The following TENM2 variants were observed in gnomAD, a reference collection of about 807,000 sequenced individuals.
The protein encoded by TENM2 is teneurin transmembrane protein 2.
In TENM2, 52 loss-of-function variants were observed where a neutral mutation model predicts 245.2. The observed-to-expected ratio is 0.21, with a 90% confidence interval of 0.17 to 0.27. TENM2 has a LOEUF of 0.27. Ranked by LOEUF, TENM2 falls within the 10% of genes least tolerant of loss-of-function variation. The pLI is 1.00. For missense variants in TENM2, 3,046 were observed against 3,666.8 expected (o/e 0.83, Z 4.37); for synonymous variants, 1,363 against 1,438.9 (o/e 0.95, Z 1.19).
chr5:167,976,506 A>G (rs1782456824), intron 4 of TENM2, among the ~76,000 whole-genome samples: 1 of 152,198 alleles, frequency 6.6e-6, no homozygotes, highest in South Asian at 2.1e-4. Context: ...CATTAGTAAT[A>G]TACAAATATA....
chr5:167,559,019 T>C (rs1363682074), intron 2 of TENM2, among the ~76,000 whole-genome samples: 1 of 152,204 alleles, frequency 6.6e-6, no homozygotes, highest in South Asian at 2.1e-4. Context: ...AGTGTTGATC[T>C]ATACATCCCA....
intron 2 of TENM2, among the ~76,000 whole-genome samples, chr5:167,492,554 T>C (rs943880648): frequency 1.6e-4 from 24 of 152,172 alleles, no homozygotes; most frequent in Admixed American, 3.3e-4. Context: ...TGTAGTTTTA[T>C]AGAATTTATA....
At chr5:167,180,213 G>A in the TENM2 span, among the ~76,000 whole-genome samples, 4 of 149,582 alleles carry the variant, frequency 2.7e-5, no homozygotes, top group African/African-American at 1.0e-4. Context: ...GGATTCAAGC[G>A]AATCTTCTGC....
intron 25 of TENM2, among the ~76,000 whole-genome samples, chr5:168,230,639 CTA>C (rs556654696): frequency 2.6e-4 from 39 of 152,278 alleles, no homozygotes; most frequent in Non-Finnish European, 5.0e-4. Context: ...CCCTATCTAT[CTA>C]TCTTAGTCTT....
At chr5:167,967,157 C>CT (rs902690816) in intron 4 of TENM2, 50 of 149,206 alleles carry the variant, frequency 3.4e-4, no homozygotes, top group East Asian at 9.8e-4. Context: ...CAGGCTGTGT[C>CT]TTTTTTTTTT....
chr5:167,405,790 ACACACACACG>A (rs1272011295), intron 2 of TENM2, among the ~76,000 whole-genome samples: 1 of 151,630 alleles, frequency 6.6e-6, no homozygotes, highest in Non-Finnish European at 1.5e-5. Context: ...ACACACACAC[ACACACACACG>A]CACACAGAGA....
chr5:167,516,374 G>T (rs1456736142), intron 2 of TENM2, among the ~76,000 whole-genome samples: 2 of 152,048 alleles, frequency 1.3e-5, no homozygotes, highest in African/African-American at 2.4e-5. Flanking sequence ...TTCACAGAAG[G>T]TTTCTAAATA....
chr5:168,066,434 T>C (rs1435726406), intron 7 of TENM2, among the ~76,000 whole-genome samples: 1 of 152,212 alleles, frequency 6.6e-6, no homozygotes, highest in African/African-American at 2.4e-5. Flanking sequence ...TAGTGGCCTT[T>C]GTGTGCATCC....
At chr5:167,813,387 G>GCACACACACA (rs142804283) in intron 2 of TENM2, among the ~76,000 whole-genome samples, 5 of 145,422 alleles carry the variant, frequency 3.4e-5, no homozygotes, top group East Asian at 4.1e-4. Flanking sequence ...TACAAGTTCT[G>GCACACACACA]CACACACACA....
At chr5:168,151,508 T>C (rs775205274) in intron 12 of TENM2, among the ~76,000 whole-genome samples, 6 of 152,220 alleles carry the variant, frequency 3.9e-5, no homozygotes, top group South Asian at 4.1e-4. Flanking sequence ...GTGCCATGCA[T>C]CATGGATTCT....
At chr5:168,144,490 T>C (rs943723959) in intron 12 of TENM2, among the ~76,000 whole-genome samples, 1 of 152,106 alleles carries the variant, frequency 6.6e-6, no homozygotes, top group Non-Finnish European at 1.5e-5. Context: ...TTCATCCATG[T>C]CCCTACAAAG....
intron 2 of TENM2, among the ~76,000 whole-genome samples, chr5:167,808,313 G>A (rs1385129030): frequency 1.3e-5 from 2 of 152,196 alleles, no homozygotes; most frequent in Non-Finnish European, 1.5e-5. Flanking sequence ...AGGCTGGAGT[G>A]CAGTGGCACA....
the TENM2 span, among the ~76,000 whole-genome samples, chr5:167,241,073 A>G: frequency 1.1e-4 from 17 of 151,660 alleles, no homozygotes; most frequent in Non-Finnish European, 2.1e-4. Context: ...TTGCGTTTAC[A>G]TTTTCCTTAT....
At chr5:168,263,441 G>A (rs1239251767), downstream of TENM2, 1 of 152,280 alleles carries the variant, frequency 6.6e-6, no homozygotes, top group Non-Finnish European at 1.5e-5. Flanking sequence ...GCCTGGGGAG[G>A]GGGGATAAAA....
At chr5:168,045,271 T>C (rs1047314186) in intron 5 of TENM2, among the ~76,000 whole-genome samples, 1 of 151,614 alleles carries the variant, frequency 6.6e-6, no homozygotes, top group African/African-American at 2.4e-5. Flanking sequence ...TTTTAAAAAA[T>C]AAAAATAAAA....
At chr5:168,159,799 G>C (rs1177730428) in intron 12 of TENM2, among the ~76,000 whole-genome samples, 2 of 152,286 alleles carry the variant, frequency 1.3e-5, no homozygotes. Flanking sequence ...ACTGTGGTCT[G>C]TTTATTTCAC....
intron 3 of TENM2, among the ~76,000 whole-genome samples, chr5:167,884,054 C>T (rs112633221): frequency 0.032 from 4,932 of 152,212 alleles, 126 homozygotes; most frequent in Non-Finnish European, 0.047. Context: ...TCTTGAGCAA[C>T]TTACTTAATC....
chr5:168,026,069 C>A (rs1404374548), intron 5 of TENM2, among the ~76,000 whole-genome samples: 2 of 151,246 alleles, frequency 1.3e-5, no homozygotes, highest in African/African-American at 2.4e-5. Flanking sequence ...GCTTATATTT[C>A]TTTGCTCTTC....
intron 2 of TENM2, among the ~76,000 whole-genome samples, chr5:167,591,008 A>G (rs1775842440): frequency 6.6e-6 from 1 of 152,228 alleles, no homozygotes; most frequent in South Asian, 2.1e-4. Flanking sequence ...TGCACAAAGT[A>G]CAATGCTGAT....
Sources: allele counts gnomAD v4.1 joint callset (sites outside exome capture counted in the v4.1 genomes callset), GRCh38; gene constraint gnomAD v4.1.1; transcripts MANE v1.5; gene names NCBI Gene and HGNC (gene_info 2026-07-23, HGNC 2026-07-21).